CECR2: variants seen among roughly 807,000 people sequenced by gnomAD.
CECR2 encodes CECR2 histone acetyl-lysine reader.
CECR2 carries 30 observed loss-of-function variants against 154.5 expected under a neutral mutation model. The ratio of observed to expected loss-of-function variants is 0.19; its 90% CI spans 0.15 to 0.26. The LOEUF (loss-of-function observed/expected upper bound fraction) is 0.26. Among genes scored for constraint, CECR2 ranks in the 10% least tolerant of loss-of-function variants. CECR2 has a pLI of 1.00. For synonymous variants in CECR2, 725 were observed against 683.7 expected (o/e 1.06, Z -0.94); for missense variants, 1,743 against 1,829.3 (o/e 0.95, Z 0.86).
chr22:17,475,102 G>A (rs1792504436), intron 1 of CECR2, among the ~76,000 whole-genome samples: 1 of 152,200 alleles, frequency 6.6e-6, no homozygotes, highest in Non-Finnish European at 1.5e-5. Context: ...ACGCCACAGT[G>A]ACAGTGAGCA....
chr22:17,510,392 G>C (rs747030658), intron 7 of CECR2, among the ~76,000 whole-genome samples: 2 of 151,952 alleles, frequency 1.3e-5, no homozygotes, highest in African/African-American at 2.4e-5. Context: ...ATTGTTTGAG[G>C]CCAGTAGTTT....
intron 1 of CECR2, among the ~76,000 whole-genome samples, chr22:17,431,641 T>C (rs1028172226): frequency 6.6e-6 from 1 of 152,186 alleles, no homozygotes; most frequent in Admixed American, 6.5e-5. Flanking sequence ...GAAAACTATA[T>C]TTATATTTTG....
chr22:17,537,086 C>T lies in CECR2; in HGVS notation c.1109-17C>T, dbSNP rs55708065. On this transcript the variant is annotated splice_polypyrimidine_tract_variant and intron_variant, in intron 9 of 18. Coordinates refer to ENST00000262608, the MANE Select transcript of CECR2 (RefSeq NM_001290047.2). ...CTGGAGTGTGCTTAGCTCACTCAGC[C>T]TTTGTGTTCATTGTAGATCGAGCGA... 4.3e-6 allele frequency: 7 copies of T among 1,613,296 alleles called. No individual in the cohort carries two copies. Among genetic ancestry groups the T allele is most frequent in the Non-Finnish European group, 1.7e-6 (2 of 1,179,600 alleles).
rs554707410 is a variant in CECR2 at position 17,503,181 on chromosome 22, T to C, written c.700+50T>C. The C allele has an allele frequency of 3.9e-6, 6 of 1,531,652 alleles. No homozygotes were observed. The South Asian group carries it at 7.0e-5, about 18-fold the overall frequency. The allele number at this position is 1,531,652 out of a possible 1,614,324, so 94.9% of individuals were successfully genotyped here. A position where few individuals can be genotyped will look rare whatever the true frequency, so the allele number is the denominator to read the frequency against. On this transcript the variant is annotated intron_variant, in intron 6 of 18. Transcript: ENST00000262608. ...AAAGAATTAAATAAATATGATTCATTTATGCTAGGGTGTTGACTCTTTTTC... is the reference window on the plus strand; with the variant it reads ...AAAGAATTAAATAAATATGATTCATCTATGCTAGGGTGTTGACTCTTTTTC...
chr22:17,378,194 A>G (rs1189645002), intron 1 of CECR2, among the ~76,000 whole-genome samples: 3 of 151,086 alleles, frequency 2.0e-5, no homozygotes, highest in Non-Finnish European at 4.4e-5. Flanking sequence ...CGTGTTAGCC[A>G]GGATGGTCTG....
intron 1 of CECR2, among the ~76,000 whole-genome samples, chr22:17,451,407 C>T (rs947685587): frequency 6.6e-6 from 1 of 152,188 alleles, no homozygotes; most frequent in Non-Finnish European, 1.5e-5. Context: ...TGAATACCTA[C>T]TTGTGGCTAT....
At chr22:17,452,555 G>A (rs1164377426) in intron 1 of CECR2, among the ~76,000 whole-genome samples, 1 of 152,212 alleles carries the variant, frequency 6.6e-6, no homozygotes, top group Non-Finnish European at 1.5e-5. Context: ...TGAGAGAGAA[G>A]AGTTAAGGTG....
chr22:17,406,788 A>G (rs1252784125), intron 1 of CECR2, among the ~76,000 whole-genome samples: 1 of 152,214 alleles, frequency 6.6e-6, no homozygotes, highest in Non-Finnish European at 1.5e-5. Flanking sequence ...GCACTAATCA[A>G]CCACAGAGAT....
chr22:17,482,141 A>G (rs1239709319), intron 2 of CECR2, among the ~76,000 whole-genome samples: 16 of 74,402 alleles, frequency 2.2e-4, no homozygotes, highest in African/African-American at 5.2e-4. Context: ...AAAAAAAAAA[A>G]GGGCGTGGCA....
rs554043991 is a variant in CECR2, at chr22:17,427,730, C to T, written c.127-49858C>T. 2.6e-4 allele frequency among the ~76,000 whole-genome samples: 39 copies of T among 152,244 alleles called. 1 individual carries two copies. Among genetic ancestry groups the T allele is most frequent in the Admixed American group, 1.1e-3 (17 of 15,298 alleles). On this transcript the variant is annotated intron_variant, in intron 1 of 18. Coordinates refer to ENST00000262608, the MANE Select transcript of CECR2 (RefSeq NM_001290047.2). Reference sequence around the variant, plus strand: ...GGCTTGGATGGCCAGCTTTTATTCCCTTATTTGGCCCTGCCCATGTCATGC... The same window carrying T: ...GGCTTGGATGGCCAGCTTTTATTCCTTTATTTGGCCCTGCCCATGTCATGC...
intron 1 of CECR2, among the ~76,000 whole-genome samples, chr22:17,396,470 C>T (rs1442620790): frequency 1.3e-5 from 2 of 152,164 alleles, no homozygotes; most frequent in African/African-American, 4.8e-5. Flanking sequence ...TCGCTTGAAC[C>T]CGGGAGGCGG....
Position 17,518,204 on chromosome 22 carries a change from G to T in CECR2, c.955-5914G>T, listed in dbSNP as rs566708474. ...AGGAGAGAGAGCCATTCTGAGGAGC[G>T]TTTACATAAATTAAGTGATTAGGCG... is the stretch of plus-strand genomic sequence containing the variant. On this transcript the variant is annotated intron_variant, in intron 8 of 18. Transcript: ENST00000262608. 2.0e-3 allele frequency among the ~76,000 whole-genome samples: 312 copies of T among 152,262 alleles called. 2 individuals carry two copies. Among genetic ancestry groups the T allele is most frequent in the African/African-American group, 7.2e-3 (300 of 41,562 alleles).
At chr22:17,552,241 C>G (rs2056720101) in intron 18 of CECR2, 99 bp downstream of exon 18, 1 of 1,074,128 alleles carries the variant, frequency 9.3e-7, no homozygotes, top group Non-Finnish European at 1.4e-6. Flanking sequence ...TTTAAGGTAT[C>G]CTGTGGATAC....
chr22:17,383,173 C>T (rs1336260915), intron 1 of CECR2, among the ~76,000 whole-genome samples: 1 of 152,066 alleles, frequency 6.6e-6, no homozygotes, highest in Non-Finnish European at 1.5e-5. Flanking sequence ...TGCAGTGAGC[C>T]AAGATCATGT....
intron 9 of CECR2, among the ~76,000 whole-genome samples, chr22:17,527,386 A>G (rs1179011272): frequency 6.6e-6 from 1 of 152,164 alleles, no homozygotes; most frequent in African/African-American, 2.4e-5. Context: ...TGAGCCTGGG[A>G]GGTCCAGGCT....
chr22:17,474,880 G>C (rs1419305305), intron 1 of CECR2, among the ~76,000 whole-genome samples: 1 of 152,046 alleles, frequency 6.6e-6, no homozygotes, highest in African/African-American at 2.4e-5. Flanking sequence ...TCCTCAGGCT[G>C]GTCTTGAACT....
chr22:17,513,646 C>G (rs1287396517), intron 8 of CECR2, among the ~76,000 whole-genome samples: 1 of 152,216 alleles, frequency 6.6e-6, no homozygotes. Context: ...TCCTCTTCCT[C>G]CTAGCAGTCA....
At chr22:17,463,315 A>C (rs759462150) in intron 1 of CECR2, among the ~76,000 whole-genome samples, 3 of 152,174 alleles carry the variant, frequency 2.0e-5, no homozygotes, top group Non-Finnish European at 4.4e-5. Context: ...TTAGTTCTAA[A>C]GGAGACATTG....
intron 1 of CECR2, among the ~76,000 whole-genome samples, chr22:17,404,444 G>A: frequency 9.2e-6 from 1 of 108,638 alleles, no homozygotes; most frequent in East Asian, 3.4e-4. Context: ...CGGGATCTCG[G>A]CTCACTGCAA....
Sources: allele counts gnomAD v4.1 joint callset (sites outside exome capture counted in the v4.1 genomes callset), GRCh38; gene constraint gnomAD v4.1.1; transcripts MANE v1.5; gene names NCBI Gene and HGNC (gene_info 2026-07-23, HGNC 2026-07-21).